The following FAM184B variants were observed in gnomAD, a reference collection of about 807,000 sequenced individuals.
The protein encoded by FAM184B is family with sequence similarity 184 member B, also known as protein FAM184B.
A neutral mutation model predicts 135.9 loss-of-function variants in FAM184B; 111 were observed. The observed-to-expected ratio is 0.82, with a 90% CI of 0.70 to 0.96. The LOEUF is 0.96. FAM184B is among the 40% of genes least tolerant of loss of function. The pLI, the probability that FAM184B is intolerant of heterozygous loss-of-function variation, is 0.00. For synonymous variants in FAM184B, 552 were observed against 524.8 expected (o/e 1.05, Z -0.71); for missense variants, 1,375 against 1,323.9 (o/e 1.04, Z -0.60).
chr4:17,642,266 G>A (rs1176614264), intron 12 of FAM184B, 38 bp from the exon 13 acceptor site: 12 of 1,435,994 alleles, frequency 8.4e-6, no homozygotes, highest in African/African-American at 4.5e-5. Flanking sequence ...TTCAGGAGGC[G>A]CAGGGGCAGA....
chr4:17,745,969 T>A (rs1034966381), intron 1 of FAM184B, among the ~76,000 whole-genome samples: 3 of 152,178 alleles, frequency 2.0e-5, no homozygotes, highest in African/African-American at 7.2e-5. Context: ...GAACTTTTTT[T>A]AAATTTTGAA....
chr4:17,739,486 GGGC>G (rs1717976912), intron 1 of FAM184B, among the ~76,000 whole-genome samples: 1 of 150,704 alleles, frequency 6.6e-6, no homozygotes, highest in African/African-American at 2.4e-5. Context: ...TTCTAAGCCA[GGGC>G]AGCATGGCAG....
At position 17,656,339 on chromosome 4, in the gene FAM184B, A is replaced by G. The variant is rs565388893; in HGVS notation, c.2037+2011T>C. ...AAGGATTGAAGAAATAAGGAAACTG[A>G]CATCTTTTTTGAATACCTAGTAAGT... On this transcript the variant is annotated intron_variant, in intron 10 of 17. Coordinates refer to ENST00000265018, the MANE Select transcript of FAM184B (RefSeq NM_015688.2). Among the ~76,000 whole-genome samples the G allele has an allele frequency of 9.2e-5, 14 of 152,356 alleles. No individual in the cohort carries two copies. In the Middle Eastern group the frequency reaches 0.01, roughly 111 times the overall value.
Position 17,705,034 on chromosome 4 carries a change from G to C in FAM184B, c.1343C>G (p.Ser448Trp), listed in dbSNP as rs752513876. ...TTTCTTTCTTTCAGCCTCCACGGAC[G>C]AGCGAACGGATTTGATTTCCACGGT... ...KHTVEIKSVR[S>W]SVEAERKKLQ... is the part of the protein sequence containing the mutation. Residue 448 changes from serine (S) to tryptophan (W), a missense_variant, in exon 5 of 18, where the codon TCG (serine) becomes TGG (tryptophan). Physicochemically the swap from Ser to Trp is radical, Grantham distance 177. Coordinates refer to ENST00000265018, the MANE Select transcript of FAM184B (RefSeq NM_015688.2). The C allele has an allele frequency of 5.8e-6, 9 of 1,551,610 alleles. No homozygotes were observed. Among genetic ancestry groups the C allele is most frequent in the Non-Finnish European group, 7.8e-6 (9 of 1,147,016 alleles).
At chr4:17,750,681 C>T (rs537849712) in intron 1 of FAM184B, among the ~76,000 whole-genome samples, 3 of 152,236 alleles carry the variant, frequency 2.0e-5, no homozygotes, top group Non-Finnish European at 2.9e-5. Flanking sequence ...TAAGAATTAC[C>T]GTTCTAATGA....
rs149789698 is a variant in FAM184B, at chr4:17,703,619, G to T, written c.1377+1381C>A. Among the ~76,000 whole-genome samples the T allele has an allele frequency of 7.9e-4, 121 of 152,254 alleles. 2 individuals carry two copies. The highest frequency in any genetic ancestry group is 2.7e-3 in the African/African-American group (114 of 41,536). On this transcript the variant is annotated intron_variant, in intron 5 of 17. Transcript: ENST00000265018. ...TTAATTTACATAATAAGCCCTTGAAGTATTTAGCCCTATTTTAGAAATCAG... is the reference window on the plus strand; with the variant it reads ...TTAATTTACATAATAAGCCCTTGAATTATTTAGCCCTATTTTAGAAATCAG...
intron 14 of FAM184B, among the ~76,000 whole-genome samples, chr4:17,638,477 C>T (rs1397608385): frequency 3.9e-5 from 6 of 151,964 alleles, no homozygotes; most frequent in African/African-American, 1.5e-4. Flanking sequence ...GCTAGGATTA[C>T]AGGCATGAGC....
intron 11 of FAM184B, 83 bp from the exon 12 acceptor site, chr4:17,647,874 G>A (rs923273367): frequency 3.0e-5 from 42 of 1,410,136 alleles, no homozygotes; most frequent in Non-Finnish European, 3.6e-5. Context: ...TCTGGGGTGG[G>A]GTTGGATGAC....
chr4:17,774,214 C>T (rs1718876370), intron 1 of FAM184B, among the ~76,000 whole-genome samples: 1 of 151,932 alleles, frequency 6.6e-6, no homozygotes. Flanking sequence ...TCGTCTCTAC[C>T]AAAAAAAGCC....
At chr4:17,724,299 A>G (rs1577277751) in intron 1 of FAM184B, among the ~76,000 whole-genome samples, 1 of 152,154 alleles carries the variant, frequency 6.6e-6, no homozygotes, top group South Asian at 2.1e-4. Flanking sequence ...TATGATGCAC[A>G]TGGCACTTCA....
rs557809905 is a variant in FAM184B, at chr4:17,666,731, C to T, written c.1597-2072G>A. Among the ~76,000 whole-genome samples, 21 of 152,038 alleles carry T rather than the reference C, an allele frequency of 1.4e-4. No homozygotes were observed. In the South Asian group the frequency reaches 2.3e-3, roughly 17 times the overall value. On this transcript the variant is annotated intron_variant, in intron 7 of 17. Coordinates refer to ENST00000265018, the MANE Select transcript of FAM184B (RefSeq NM_015688.2). ...TCTCACAATACATATCACGGCCTAA[C>T]GTTGACTTGTCCACTTTTTAATTAT...
At chr4:17,687,801 G>A (rs987149644) in intron 7 of FAM184B, among the ~76,000 whole-genome samples, 1 of 152,144 alleles carries the variant, frequency 6.6e-6, no homozygotes, top group Non-Finnish European at 1.5e-5. Context: ...GTTCTCACTC[G>A]CAGCCTCCAA....
chr4:17,731,318 C>A (rs1445104827), intron 1 of FAM184B, among the ~76,000 whole-genome samples: 3 of 152,044 alleles, frequency 2.0e-5, no homozygotes, highest in South Asian at 2.1e-4. Flanking sequence ...ACTAAATAAA[C>A]ACATAACAAT....
chr4:17,718,869 T>C (rs1368552042), intron 1 of FAM184B, among the ~76,000 whole-genome samples: 1 of 152,228 alleles, frequency 6.6e-6, no homozygotes, highest in East Asian at 1.9e-4. Flanking sequence ...CATTGAGATT[T>C]AGAGTTGTTT....
chr4:17,644,567 G>A (rs574320306), intron 12 of FAM184B, among the ~76,000 whole-genome samples: 1 of 152,240 alleles, frequency 6.6e-6, no homozygotes, highest in African/African-American at 2.4e-5. Context: ...AATAAATTAG[G>A]TATTGATGAG....
chr4:17,640,794 A>ATTCT (rs940058775), intron 13 of FAM184B, among the ~76,000 whole-genome samples: 2 of 152,226 alleles, frequency 1.3e-5, no homozygotes, highest in African/African-American at 4.8e-5. Context: ...AGAGGAAGAA[A>ATTCT]GGCTCTGAGT....
chr4:17,756,880 C>T (rs1212288959), intron 1 of FAM184B, among the ~76,000 whole-genome samples: 4 of 152,026 alleles, frequency 2.6e-5, no homozygotes, highest in East Asian at 1.9e-4. Context: ...GCCAAGATCA[C>T]GTCACTGCAC....
rs990063142 is a variant in FAM184B at position 17,708,985 on chromosome 4, A to C, written c.801T>G (p.Ala267=). The change falls in exon 2 of 18, where the codon GCT becomes GCG. Residue 267 remains alanine (A), a synonymous_variant. Coordinates refer to ENST00000265018, the MANE Select transcript of FAM184B (RefSeq NM_015688.2). ...GGTCTCCTTCCAGCTTCCGGACCTGAGCCTGCAGGGCTGACTCCTGGACCT... is the reference window on the plus strand; with the variant it reads ...GGTCTCCTTCCAGCTTCCGGACCTGCGCCTGCAGGGCTGACTCCTGGACCT... ...NFQVQESALQ[A]QVRKLEGDLE... 1 of 1,550,522 alleles carries C rather than the reference A, an allele frequency of 6.4e-7. No homozygotes were observed. The highest frequency in any genetic ancestry group is 1.4e-5 in the African/African-American group (1 of 72,882).
At chr4:17,737,183 T>C (rs1717930700) in intron 1 of FAM184B, among the ~76,000 whole-genome samples, 1 of 152,012 alleles carries the variant, frequency 6.6e-6, no homozygotes, top group Non-Finnish European at 1.5e-5. Context: ...GAGATGGCTG[T>C]TTCCTCCATG....
Sources: gnomAD v4.1 joint callset for allele counts (sites outside exome capture counted in the v4.1 genomes callset) on GRCh38, gnomAD v4.1.1 for gene constraint, MANE v1.5 for transcripts, NCBI Gene and HGNC (gene_info 2026-07-23, HGNC 2026-07-21) for gene names.